SPON1: variants seen among roughly 807,000 people sequenced by gnomAD.
SPON1 encodes spondin 1.
A neutral mutation model predicts 111.7 loss-of-function variants in SPON1; 52 were observed. The ratio of observed to expected loss-of-function variants is 0.47; its 90% CI spans 0.37 to 0.59. SPON1 has a LOEUF of 0.59. SPON1 is among the 20% of genes least tolerant of loss of function. The pLI is 0.00. For missense variants in SPON1, 957 were observed against 1,068.5 expected (o/e 0.90, Z 1.46); for synonymous variants, 410 against 395.8 (o/e 1.04, Z -0.43).
chr11:14,208,502 A>C (rs1467666914), intron 6 of SPON1, among the ~76,000 whole-genome samples: 1 of 152,116 alleles, frequency 6.6e-6, no homozygotes. Context: ...ACCCAGATGA[A>C]TCTTTTGATC....
chr11:14,127,405 AT>A (rs1847473002), intron 5 of SPON1, among the ~76,000 whole-genome samples: 1 of 151,414 alleles, frequency 6.6e-6, no homozygotes. Flanking sequence ...CCTTGTCCCC[AT>A]TCCCCCTACC....
At chr11:14,190,435 T>C (rs1423122364) in intron 6 of SPON1, among the ~76,000 whole-genome samples, 1 of 152,164 alleles carries the variant, frequency 6.6e-6, no homozygotes, top group African/African-American at 2.4e-5. Context: ...CTCCTGCTAA[T>C]CCATCCTGCC....
intron 3 of SPON1, among the ~76,000 whole-genome samples, chr11:14,056,401 T>C (rs1167589072): frequency 1.3e-5 from 2 of 152,174 alleles, no homozygotes; most frequent in Non-Finnish European, 2.9e-5. Flanking sequence ...CAGTTTCTGG[T>C]ACTTAGGACA....
intron 6 of SPON1, among the ~76,000 whole-genome samples, chr11:14,198,929 G>T (rs1848431930): frequency 6.6e-6 from 1 of 152,174 alleles, no homozygotes; most frequent in Non-Finnish European, 1.5e-5. Context: ...AATGAATGAG[G>T]TTTCCGAAAG....
intron 15 of SPON1, among the ~76,000 whole-genome samples, chr11:14,264,901 G>A (rs879981784): frequency 6.6e-6 from 1 of 152,222 alleles, no homozygotes; most frequent in Non-Finnish European, 1.5e-5. Flanking sequence ...TGGGAGCCAA[G>A]TACTTGGGGA....
chr11:14,113,190 A>G (rs1554925609), intron 5 of SPON1, among the ~76,000 whole-genome samples: 1 of 152,206 alleles, frequency 6.6e-6, no homozygotes, highest in Non-Finnish European at 1.5e-5. Context: ...CACTAAGGAA[A>G]TAACCCTCTA....
rs1849142548 is a variant in SPON1, at chr11:14,259,162, A to C, written c.1493-118A>C. ...AAGGATTTAGACCTCTTAGGTGTGC[A>C]GACAACCTCAACTGCCTGACTCCTC... is the stretch of plus-strand genomic sequence containing the variant. On this transcript the variant is annotated intron_variant, in intron 11 of 15. Transcript: ENST00000576479. The surrounding 1 kb of genome is among the most constrained non-coding windows in gnomAD (Gnocchi z 5.0). 8.8e-7 allele frequency: 1 copy of C among 1,138,060 alleles called. No individual in the cohort carries two copies. The highest frequency in any genetic ancestry group is 1.6e-5 in the African/African-American group (1 of 64,128). 70.5% of individuals were successfully genotyped at this position (1,138,060 alleles called of 1,614,324 possible). A position where few individuals can be genotyped will look rare whatever the true frequency, so the allele number is the denominator to read the frequency against.
At chr11:14,113,425 T>A (rs1405195798) in intron 5 of SPON1, among the ~76,000 whole-genome samples, 1 of 152,194 alleles carries the variant, frequency 6.6e-6, no homozygotes, top group East Asian at 1.9e-4. Context: ...GGTATGAGCC[T>A]GCTTTTGTGT....
intron 3 of SPON1, among the ~76,000 whole-genome samples, chr11:14,049,500 G>T (rs533438672): frequency 6.6e-6 from 1 of 152,184 alleles, no homozygotes; most frequent in South Asian, 2.1e-4. Flanking sequence ...AGCATATAAG[G>T]GTGCCTATGA....
At chr11:14,189,622 T>G (rs1226211884) in intron 6 of SPON1, among the ~76,000 whole-genome samples, 1 of 152,192 alleles carries the variant, frequency 6.6e-6, no homozygotes, top group African/African-American at 2.4e-5. Flanking sequence ...CCAACTTCTT[T>G]CCCGATTGTC....
At position 14,135,575 on chromosome 11, in the gene SPON1, CA is replaced by C. The variant is rs781864801; in HGVS notation, c.825+14del. ...GGAAGAAATTCGACAACAGGTAAGA[CA>C]AAAAAATCACAGAATGACCAAATAA... On this transcript the variant is annotated splice_region_variant and intron_variant, in intron 6 of 15. Coordinates refer to ENST00000576479, the MANE Select transcript of SPON1 (RefSeq NM_006108.4). The surrounding 1 kb of genome is among the most constrained non-coding windows in gnomAD (Gnocchi z 4.4). 4.3e-6 allele frequency: 7 copies of C among 1,609,872 alleles called. No individual in the cohort carries two copies. Among genetic ancestry groups the C allele is most frequent in the Non-Finnish European group, 5.1e-6 (6 of 1,177,622 alleles).
At chr11:13,985,429 T>A (rs1848174781) in intron 2 of SPON1, among the ~76,000 whole-genome samples, 1 of 152,194 alleles carries the variant, frequency 6.6e-6, no homozygotes, top group Non-Finnish European at 1.5e-5. Context: ...AGCATTATTA[T>A]CCTATTTTCC....
chr11:13,970,311 A>T (rs1848052791), intron 1 of SPON1, among the ~76,000 whole-genome samples: 1 of 152,212 alleles, frequency 6.6e-6, no homozygotes, highest in Non-Finnish European at 1.5e-5. Flanking sequence ...CCTTTCGCAG[A>T]ATATTCATAA....
chr11:14,224,701 T>C (rs1288794790), intron 6 of SPON1: 2 of 480,076 alleles, frequency 4.2e-6, no homozygotes, highest in African/African-American at 3.9e-5. Context: ...AGGATGAAGA[T>C]GAGGATGGTG....
At chr11:14,261,492 A>T (rs1194400473) in intron 14 of SPON1, among the ~76,000 whole-genome samples, 2 of 152,208 alleles carry the variant, frequency 1.3e-5, no homozygotes, top group Non-Finnish European at 2.9e-5. Context: ...TCTGTAAAAT[A>T]GCAGGAAATA....
chr11:14,197,369 C>T (rs1564929080), intron 6 of SPON1, among the ~76,000 whole-genome samples: 1 of 151,924 alleles, frequency 6.6e-6, no homozygotes, highest in Non-Finnish European at 1.5e-5. Context: ...CCCTCAGTGC[C>T]CGAAAGCACA....
chr11:14,068,959 T>C (rs1483909264), intron 3 of SPON1, among the ~76,000 whole-genome samples: 2 of 152,226 alleles, frequency 1.3e-5, no homozygotes, highest in South Asian at 2.1e-4. Flanking sequence ...GTCAATATCA[T>C]GGTTGTACAA....
At chr11:14,113,159 T>A (rs1457734192) in intron 5 of SPON1, among the ~76,000 whole-genome samples, 2 of 152,134 alleles carry the variant, frequency 1.3e-5, no homozygotes, top group Non-Finnish European at 2.9e-5. Context: ...AATAATTTAA[T>A]CTCTAAGAAA....
chr11:14,182,627 G>A (rs572829812), intron 6 of SPON1, among the ~76,000 whole-genome samples: 4 of 152,180 alleles, frequency 2.6e-5, no homozygotes, highest in Non-Finnish European at 4.4e-5. Context: ...ACCTGAAGAG[G>A]CAAATGGGAG....
Sources: allele counts gnomAD v4.1 joint callset (sites outside exome capture counted in the v4.1 genomes callset), GRCh38; gene constraint gnomAD v4.1.1; non-coding constraint Gnocchi (gnomAD v3.1); transcripts MANE v1.5; gene names NCBI Gene and HGNC (gene_info 2026-07-23, HGNC 2026-07-21).